The following LHFPL4 variants were observed in gnomAD, a reference collection of about 807,000 sequenced individuals.
The protein encoded by LHFPL4 is LHFPL tetraspan subfamily member 4.
Under a neutral mutation model 20.0 loss-of-function variants are expected in LHFPL4, and 6 were observed. That is an observed-to-expected ratio of 0.30 (90% CI 0.16 to 0.59). The LOEUF (loss-of-function observed/expected upper bound fraction) is 0.59, where lower values mean the gene tolerates loss of function less well. LHFPL4 is among the 20% of genes least tolerant of loss of function. The probability of loss-of-function intolerance (pLI) is 0.88; values close to 1 mark genes in which losing one functional copy is unlikely to be tolerated. For synonymous variants in LHFPL4, 129 were observed against 143.8 expected, an observed-to-expected ratio of 0.90 and a Z score of 0.74; for missense variants, 215 against 331.2, an observed-to-expected ratio of 0.65 and a Z score of 2.72.
chr3:9,537,489 G>T (rs773261112), intron 2 of LHFPL4, among the ~76,000 whole-genome samples: 1 of 152,120 alleles, frequency 6.6e-6, no homozygotes, highest in Non-Finnish European at 1.5e-5. Context: ...CCTAGGCCCA[G>T]CCTGCAAGGA....
At chr3:9,543,383 C>A (rs1416673897) in intron 2 of LHFPL4, among the ~76,000 whole-genome samples, 2 of 152,020 alleles carry the variant, frequency 1.3e-5, no homozygotes, top group African/African-American at 2.4e-5. Context: ...CGCCTGTAGA[C>A]CTAGCTACTC....
intron 3 of LHFPL4, among the ~76,000 whole-genome samples, chr3:9,503,720 A>G (rs887858320): frequency 1.4e-4 from 22 of 152,226 alleles, no homozygotes; most frequent in African/African-American, 5.3e-4. Context: ...TATATGCAAT[A>G]CACTAATTAT....
intron 2 of LHFPL4, among the ~76,000 whole-genome samples, chr3:9,527,423 A>G (rs1380751010): frequency 6.6e-6 from 1 of 151,992 alleles, no homozygotes; most frequent in Non-Finnish European, 1.5e-5. Context: ...AATAATAATA[A>G]TACAAAAAGT....
chr3:9,504,919 T>C, intron 3 of LHFPL4, among the ~76,000 whole-genome samples: 1 of 151,672 alleles, frequency 6.6e-6, no homozygotes, highest in East Asian at 1.9e-4. Context: ...TATCACTCTG[T>C]CATCTTCTGG....
At chr3:9,533,537 C>G (rs2046424192) in intron 2 of LHFPL4, among the ~76,000 whole-genome samples, 1 of 152,242 alleles carries the variant, frequency 6.6e-6, no homozygotes, top group African/African-American at 2.4e-5. Context: ...AATCCCAACA[C>G]TTTGCGAGGC....
chr3:9,529,130 G>A (rs145198125), intron 2 of LHFPL4, among the ~76,000 whole-genome samples: 2,831 of 151,936 alleles, frequency 0.019, 94 homozygotes, highest in African/African-American at 0.065. Flanking sequence ...CCAGGTTCAA[G>A]CGATTCTTCT....
chr3:9,515,538 TC>T (rs2046293633), intron 2 of LHFPL4, among the ~76,000 whole-genome samples: 2 of 152,132 alleles, frequency 1.3e-5, no homozygotes, highest in South Asian at 4.1e-4. Flanking sequence ...CACACCTGGC[TC>T]ATTTCTGTAT....
chr3:9,518,402 A>G (rs2046317180), intron 2 of LHFPL4, among the ~76,000 whole-genome samples: 1 of 152,186 alleles, frequency 6.6e-6, no homozygotes, highest in Non-Finnish European at 1.5e-5. Context: ...TTATAGTATT[A>G]GTGTAATGCT....
At chr3:9,510,543 G>C (rs1296611442) in intron 2 of LHFPL4, among the ~76,000 whole-genome samples, 1 of 151,922 alleles carries the variant, frequency 6.6e-6, no homozygotes, top group Non-Finnish European at 1.5e-5. Flanking sequence ...GCTACCCCAT[G>C]GTCCTACTGA....
intron 2 of LHFPL4, among the ~76,000 whole-genome samples, chr3:9,546,711 G>A (rs1429861950): frequency 6.6e-6 from 1 of 152,120 alleles, no homozygotes; most frequent in Non-Finnish European, 1.5e-5. Context: ...TAAGCCCTTT[G>A]GTCATCCCAG....
intron 2 of LHFPL4, among the ~76,000 whole-genome samples, chr3:9,540,107 C>A (rs982024816): frequency 1.5e-4 from 23 of 152,202 alleles, no homozygotes; most frequent in African/African-American, 4.8e-4. Context: ...GGGCTTTATC[C>A]TTATACTTAC....
rs531953373 is a variant in LHFPL4, at chr3:9,530,879, G to T, written c.406+21395C>A. Among the ~76,000 whole-genome samples, 7 of 152,210 alleles carry T rather than the reference G, an allele frequency of 4.6e-5. No homozygotes were observed. The East Asian group carries it at 1.4e-3, about 29-fold the overall frequency. On this transcript the variant is annotated intron_variant, in intron 2 of 3. Coordinates refer to ENST00000287585, the MANE Select transcript of LHFPL4 (RefSeq NM_198560.3). ...CCTGCAAAGTGCTGGGATAACAAGC[G>T]TGAGCCACCAGGCCCAGCCCACATT... is the stretch of plus-strand genomic sequence containing the variant.
chr3:9,519,310 G>A (rs1453908756), intron 2 of LHFPL4, among the ~76,000 whole-genome samples: 1 of 151,458 alleles, frequency 6.6e-6, no homozygotes, highest in East Asian at 1.9e-4. Flanking sequence ...CCTGACCTTA[G>A]GTGATCCACC....
At chr3:9,511,971 C>T (rs913568675) in intron 2 of LHFPL4, among the ~76,000 whole-genome samples, 2 of 151,224 alleles carry the variant, frequency 1.3e-5, no homozygotes, top group African/African-American at 2.4e-5. Context: ...CTGGCTCTGT[C>T]GCCCAGGCTG....
intron 2 of LHFPL4, among the ~76,000 whole-genome samples, chr3:9,513,276 A>G (rs565636166): frequency 2.6e-5 from 4 of 152,124 alleles, no homozygotes; most frequent in South Asian, 2.1e-4. Flanking sequence ...TTTGTTTTAT[A>G]TAAGAGATAA....
At chr3:9,518,686 A>T (rs1384419504) in intron 2 of LHFPL4, among the ~76,000 whole-genome samples, 4 of 151,776 alleles carry the variant, frequency 2.6e-5, no homozygotes, top group Non-Finnish European at 5.9e-5. Flanking sequence ...TTGTGTTCAC[A>T]GAGTTGTTTA....
At chr3:9,522,565 C>A (rs561304248) in intron 2 of LHFPL4, among the ~76,000 whole-genome samples, 26 of 151,140 alleles carry the variant, frequency 1.7e-4, no homozygotes, top group African/African-American at 6.3e-4. Context: ...CATGATGAAG[C>A]CTTGTTTCTA....
intron 2 of LHFPL4, among the ~76,000 whole-genome samples, chr3:9,537,093 A>G (rs2046448723): frequency 6.6e-6 from 1 of 152,088 alleles, no homozygotes; most frequent in Admixed American, 6.6e-5. Context: ...CTCAAAAAAA[A>G]GAAAGAAACC....
Position 9,506,306 on chromosome 3 carries a change from A to G in LHFPL4, c.407-103T>C. ...CTGGGCCCCACCCTATTGAGGGCACATCAACCCAACCACGTGCTTGTTACC... is the reference window on the plus strand; with the variant it reads ...CTGGGCCCCACCCTATTGAGGGCACGTCAACCCAACCACGTGCTTGTTACC... On this transcript the variant is annotated intron_variant, in intron 2 of 3. Coordinates refer to ENST00000287585, the MANE Select transcript of LHFPL4 (RefSeq NM_198560.3). This position sits in a 1 kb window ranked among gnomAD's most constrained non-coding sequence, Gnocchi z 4.5. 1.2e-6 allele frequency: 1 copy of G among 867,786 alleles called. No homozygotes were observed. Among genetic ancestry groups the G allele is most frequent in the Non-Finnish European group, 1.9e-6 (1 of 530,022 alleles). 53.8% of individuals were successfully genotyped at this position (867,786 alleles called of 1,614,324 possible).
Sources: allele counts gnomAD v4.1 joint callset (sites outside exome capture counted in the v4.1 genomes callset), GRCh38; gene constraint gnomAD v4.1.1; non-coding constraint Gnocchi (gnomAD v3.1); transcripts MANE v1.5; gene names NCBI Gene and HGNC (gene_info 2026-07-23, HGNC 2026-07-21).